Variants in DNMT3B observed in about 807,000 individuals in gnomAD.
DNMT3B encodes DNA methyltransferase 3 beta.
Under a neutral mutation model 120.2 loss-of-function variants are expected in DNMT3B, and 37 were observed. That is an observed-to-expected ratio of 0.31 (90% CI 0.24 to 0.40). The LOEUF (loss-of-function observed/expected upper bound fraction) is 0.40. Among genes scored for constraint, DNMT3B ranks in the 10% least tolerant of loss-of-function variants. The probability of loss-of-function intolerance (pLI) is 1.00; values close to 1 mark genes in which losing one functional copy is unlikely to be tolerated. For missense variants in DNMT3B, 878 were observed against 1,137.3 expected (o/e 0.77, Z 3.28); for synonymous variants, 412 against 442.8 (o/e 0.93, Z 0.87).
rs949594205 is a variant in DNMT3B at position 32,780,311 on chromosome 20, C to G, written c.-6-7C>G. The G allele has an allele frequency of 1.2e-6, 2 of 1,613,920 alleles. No individual in the cohort carries two copies. The highest frequency in any genetic ancestry group is 1.7e-6 in the Non-Finnish European group (2 of 1,180,022). On this transcript the variant is annotated splice_polypyrimidine_tract_variant and splice_region_variant and intron_variant, in intron 1 of 22. Coordinates refer to ENST00000328111, the MANE Select transcript of DNMT3B (RefSeq NM_006892.4). ...TTTCACCCCACCCATTCTGGCTTCT[C>G]CCACAGGAAAGCATGAAGGGAGACA...
Position 32,788,851 on chromosome 20 carries a change from C to T in DNMT3B, c.655-3C>T. On this transcript the variant is annotated splice_polypyrimidine_tract_variant and splice_region_variant and intron_variant, in intron 6 of 22. Transcript: ENST00000328111. ...GGATTTCTTCATGTGGGTTTTCTTCCAGGATGGGAAGGAGTTTGGAATAGG... is the reference window on the plus strand; with the variant it reads ...GGATTTCTTCATGTGGGTTTTCTTCTAGGATGGGAAGGAGTTTGGAATAGG... 1.2e-6 allele frequency: 2 copies of T among 1,614,152 alleles called. 1 individual carries two copies. The highest frequency in any genetic ancestry group is 4.5e-5 in the East Asian group (2 of 44,886).
chr20:32,792,593 C>G, intron 8 of DNMT3B, 33 bp from the exon 9 acceptor site: 1 of 1,613,198 alleles, frequency 6.2e-7, no homozygotes, highest in South Asian at 1.1e-5. Context: ...CTCCTCCCCA[C>G]CCCCCCATTC....
intron 5 of DNMT3B, among the ~76,000 whole-genome samples, chr20:32,786,995 C>T (rs188874746): frequency 6.6e-6 from 1 of 152,348 alleles, no homozygotes; most frequent in Non-Finnish European, 1.5e-5. Context: ...GAGAGTCCCT[C>T]GTCATTACCC....
chr20:32,784,673 A>G, intron 3 of DNMT3B, 85 bp from the exon 4 acceptor site: 1 of 1,439,472 alleles, frequency 6.9e-7, no homozygotes, highest in Admixed American at 1.8e-5. Context: ...ACAGGCGATC[A>G]GTCTTTCATA....
At position 32,802,424 on chromosome 20, in the gene DNMT3B, G is replaced by A; in HGVS notation, c.2185G>A (p.Ala729Thr). 6.2e-7 allele frequency: 1 copy of A among 1,614,178 alleles called. No homozygotes were observed. The highest frequency in any genetic ancestry group is 8.5e-7 in the Non-Finnish European group (1 of 1,180,040). ...VMIDAIKVSA[A>T]HRARYFWGNL... ...GATTGATGCCATCAAAGTTTCTGCT[G>A]CTCACAGGGCCCGATACTTCTGGGG... Residue 729 changes from alanine (A) to threonine (T), a missense_variant, in exon 20 of 23, where the codon GCT becomes ACT. This residue lies in a region of DNMT3B where 334 missense variants were observed against 518.8 expected (regional missense o/e 0.64). Coordinates refer to ENST00000328111, the MANE Select transcript of DNMT3B (RefSeq NM_006892.4).
intron 1 of DNMT3B, among the ~76,000 whole-genome samples, chr20:32,766,633 C>T (rs558514857): frequency 6.6e-6 from 1 of 152,250 alleles, no homozygotes; most frequent in South Asian, 2.1e-4. Flanking sequence ...CGCTCTGTTG[C>T]CCAGGTTGGA....
At chr20:32,775,059 T>C (rs573982051) in intron 1 of DNMT3B, among the ~76,000 whole-genome samples, 132 of 152,266 alleles carry the variant, frequency 8.7e-4, no homozygotes, top group African/African-American at 3.1e-3. Flanking sequence ...GGTTTCACCA[T>C]GTTGGCCAGG....
At chr20:32,795,764 C>T in intron 12 of DNMT3B, 70 bp downstream of exon 12, 3 of 1,588,264 alleles carry the variant, frequency 1.9e-6, no homozygotes, top group South Asian at 1.1e-5. Context: ...CTTGTCCTGG[C>T]TCATCCACCC....
At chr20:32,802,157 C>T (rs1301695509) in intron 19 of DNMT3B, among the ~76,000 whole-genome samples, 3 of 151,998 alleles carry the variant, frequency 2.0e-5, no homozygotes, top group African/African-American at 2.4e-5. Flanking sequence ...CAGGGGATAC[C>T]GTCTCAGAAT....
chr20:32,770,201 C>T (rs1987632805), intron 1 of DNMT3B, among the ~76,000 whole-genome samples: 1 of 152,150 alleles, frequency 6.6e-6, no homozygotes, highest in African/African-American at 2.4e-5. Context: ...CAACCTCCAC[C>T]TCCTGGGTTC....
chr20:32,801,144 C>A, intron 18 of DNMT3B, 134 bp from the exon 19 acceptor site: 1 of 1,358,936 alleles, frequency 7.4e-7, no homozygotes, highest in Non-Finnish European at 1.0e-6. Context: ...TGCTGTCATT[C>A]AGGTGGACAT....
At chr20:32,774,122 C>T (rs1418660232) in intron 1 of DNMT3B, among the ~76,000 whole-genome samples, 1 of 151,900 alleles carries the variant, frequency 6.6e-6, no homozygotes, top group East Asian at 1.9e-4. Flanking sequence ...ATGTGCTGTC[C>T]CTGCTGCCTG....
rs371089610 is a variant in DNMT3B, at chr20:32,781,784, C to T, written c.204+370C>T. On this transcript the variant is annotated intron_variant, in intron 3 of 22. Transcript: ENST00000328111. ...GATGGAATCTTGCACTGTCCTGCTC[C>T]GTCCTGCCCAGGATCAGTCCTGTCT... Among the ~76,000 whole-genome samples, 21 of 152,304 alleles carry T rather than the reference C, an allele frequency of 1.4e-4. No homozygotes were observed. In the South Asian group the frequency reaches 4.1e-3, roughly 30 times the overall value.
At chr20:32,805,242 G>A in intron 20 of DNMT3B, 96 bp from the exon 21 acceptor site, 1 of 1,434,162 alleles carries the variant, frequency 7.0e-7, no homozygotes, top group Non-Finnish European at 9.8e-7. Context: ...TCACTGCCAG[G>A]GCACATCTCT....
intron 14 of DNMT3B, 102 bp downstream of exon 14, chr20:32,797,401 G>A (rs1279047265): frequency 7.0e-6 from 8 of 1,141,390 alleles, no homozygotes; most frequent in Non-Finnish European, 7.6e-6. Context: ...CCTAGGCATG[G>A]GAATAGGGAG....
At chr20:32,799,989 G>A (rs1449379153) in intron 16 of DNMT3B, among the ~76,000 whole-genome samples, 164 bp from the exon 17 acceptor site, 2 of 152,316 alleles carry the variant, frequency 1.3e-5, no homozygotes, top group Middle Eastern at 3.4e-3. Flanking sequence ...CCTATATGGA[G>A]TTTACACAGC....
intron 7 of DNMT3B, among the ~76,000 whole-genome samples, 168 bp from the exon 8 acceptor site, chr20:32,791,433 C>CT: frequency 6.6e-6 from 1 of 152,312 alleles, no homozygotes; most frequent in East Asian, 1.9e-4. Flanking sequence ...TATTTTTCTG[C>CT]TTTTTTCTTT....
At chr20:32,774,174 C>T (rs1338499012) in intron 1 of DNMT3B, among the ~76,000 whole-genome samples, 1 of 151,778 alleles carries the variant, frequency 6.6e-6, no homozygotes, top group African/African-American at 2.4e-5. Context: ...TGGTGTCCCT[C>T]CCTGGGCTTA....
intron 6 of DNMT3B, among the ~76,000 whole-genome samples, chr20:32,788,551 C>T (rs1979598923): frequency 6.6e-6 from 1 of 152,190 alleles, no homozygotes; most frequent in Admixed American, 6.5e-5. Context: ...ATCCTCCTAT[C>T]TCAGCCTCCT....
Sources: gnomAD v4.1 joint callset for allele counts (sites outside exome capture counted in the v4.1 genomes callset) on GRCh38, gnomAD v4.1.1 for gene constraint, gnomAD v4.1.1 regional missense constraint, MANE v1.5 for transcripts, NCBI Gene and HGNC (gene_info 2026-07-23, HGNC 2026-07-21) for gene names.